Variants in MYH15 observed in about 807,000 individuals in gnomAD.
The protein encoded by MYH15 is myosin-15.
A neutral mutation model predicts 240.5 loss-of-function variants in MYH15; 227 were observed. That is an observed-to-expected ratio of 0.94 (90% CI 0.85 to 1.05). MYH15 has a LOEUF of 1.05. Among genes scored for constraint, MYH15 ranks in the 50% least tolerant of loss-of-function variants. The pLI is 0.00. For missense variants in MYH15, 2,217 were observed against 2,247.5 expected (o/e 0.99, Z 0.27); for synonymous variants, 785 against 796.7 (o/e 0.99, Z 0.25).
In MYH15 at chr3:108,454,038, C is replaced by A. The variant is rs757333706; in HGVS notation, c.2367G>T (p.Met789Ile). The A allele has an allele frequency of 1.9e-6, 3 of 1,611,910 alleles. No individual in the cohort carries two copies. The South Asian group carries it at 3.3e-5, about 18-fold the overall frequency. The change falls in exon 21 of 41, where the codon ATG (methionine) becomes ATT (isoleucine). Residue 789 changes from methionine (M) to isoleucine (I), a missense_variant. Physicochemically the swap from Met to Ile is conservative, Grantham distance 10. Transcript: ENST00000693548. ...LFQARAQGKL[M>I]RIKFQKILEE... Reference sequence around the variant, plus strand: ...CCAGAATCTTCTGGAATTTGATTCGCATCAGTTTGCCCTGTGCTCTGGCTT... The same window carrying A: ...CCAGAATCTTCTGGAATTTGATTCGAATCAGTTTGCCCTGTGCTCTGGCTT...
rs2107232820 is a variant in MYH15, at chr3:108,498,053, T to G, written c.617A>C (p.Gln206Pro). The G allele has an allele frequency of 6.2e-7, 1 of 1,613,790 alleles. No individual in the cohort carries two copies. The highest frequency in any genetic ancestry group is 8.5e-7 in the Non-Finnish European group (1 of 1,179,662). The change falls in exon 6 of 41, where the codon CAG becomes CCG. Residue 206 changes from glutamine (Q) to proline (P), a missense_variant and splice_region_variant. By Grantham distance (76) the Gln-to-Pro change is moderately conservative. Transcript: ENST00000693548. ...CTACCAAGCTATATAAACACTTACC[T>G]GCTTTTTCCTGGATTCAATCATGGC... is the stretch of plus-strand genomic sequence containing the variant. The part of the protein sequence containing the change: ...IAAMIESRKK[Q>P]GALEDQIMQA...
chr3:108,539,749 GATA>G, the MYH15 span, among the ~76,000 whole-genome samples: 610 of 152,142 alleles, frequency 4.0e-3, 1 homozygote, highest in Non-Finnish European at 6.8e-3. Flanking sequence ...TTAGAGTAGA[GATA>G]ATATTATCTG....
intron 25 of MYH15, among the ~76,000 whole-genome samples, chr3:108,435,091 G>C (rs1428877021): frequency 2.0e-5 from 3 of 151,922 alleles, no homozygotes; most frequent in Non-Finnish European, 4.4e-5. Context: ...ATTTTCCTTG[G>C]ATTCTTGACA....
chr3:108,506,804 G>A (rs376570782), intron 1 of MYH15, among the ~76,000 whole-genome samples: 13 of 152,146 alleles, frequency 8.5e-5, no homozygotes, highest in African/African-American at 1.2e-4. Flanking sequence ...AGGCTGAGGC[G>A]GGCAGATCAC....
At chr3:108,516,791 T>G (rs2083576133) in intron 1 of MYH15, among the ~76,000 whole-genome samples, 1 of 152,220 alleles carries the variant, frequency 6.6e-6, no homozygotes, top group African/African-American at 2.4e-5. Context: ...CAAAGAGGAA[T>G]GTTAAACGGT....
At chr3:108,464,528 T>C in intron 15 of MYH15, 110 bp downstream of exon 15, 9 of 1,130,666 alleles carry the variant, frequency 8.0e-6, no homozygotes, top group Non-Finnish European at 1.1e-5. Flanking sequence ...TATTTTGTTC[T>C]TCTCTTCATT....
chr3:108,518,440 TC>T (rs1204927948), intron 1 of MYH15, among the ~76,000 whole-genome samples: 1 of 152,198 alleles, frequency 6.6e-6, no homozygotes, highest in African/African-American at 2.4e-5. Context: ...CTGTATTCTC[TC>T]AGTCTCCCGA....
the MYH15 span, among the ~76,000 whole-genome samples, chr3:108,534,775 C>T: frequency 2.0e-5 from 3 of 150,910 alleles, no homozygotes; most frequent in Non-Finnish European, 4.4e-5. Flanking sequence ...CAGCTACTTG[C>T]AAGGCTGAGG....
At chr3:108,502,465 T>C (rs2083445460) in intron 2 of MYH15, among the ~76,000 whole-genome samples, 1 of 152,218 alleles carries the variant, frequency 6.6e-6, no homozygotes. Flanking sequence ...TGATGTTGTC[T>C]TCTTTAATGA....
intron 24 of MYH15, 66 bp from the exon 25 acceptor site, chr3:108,437,765 A>G (rs2107566443): frequency 2.0e-6 from 3 of 1,463,484 alleles, no homozygotes; most frequent in African/African-American, 1.6e-5. Flanking sequence ...AGATGTGTTC[A>G]TTAACCACTT....
intron 38 of MYH15, among the ~76,000 whole-genome samples, chr3:108,385,102 A>C (rs1171721765): frequency 6.6e-6 from 1 of 152,192 alleles, no homozygotes; most frequent in Admixed American, 6.5e-5. Context: ...TAAAATTAGT[A>C]GTGAATTATC....
Position 108,428,813 on chromosome 3 carries a change from C to T in MYH15, c.3381G>A (p.Glu1127=), listed in dbSNP as rs778420730. The T allele has an allele frequency of 1.2e-6, 2 of 1,613,964 alleles. No homozygotes were observed. The highest frequency in any genetic ancestry group is 1.3e-5 in the African/African-American group (1 of 74,894). ...ERTTRAKMER[E]RADLTQDLAD... Reference sequence around the variant, plus strand: ...CCAGGTCTTGGGTGAGGTCAGCTCTCTCCCTTTCCATCTTGGCTCGAGTGG... The same window carrying T: ...CCAGGTCTTGGGTGAGGTCAGCTCTTTCCCTTTCCATCTTGGCTCGAGTGG... The change falls in exon 27 of 41, where the codon GAG becomes GAA. Residue 1127 remains glutamate, a synonymous_variant. Coordinates refer to ENST00000693548, the MANE Select transcript of MYH15 (RefSeq NM_014981.3).
chr3:108,399,913 T>C (rs558500770), intron 33 of MYH15, among the ~76,000 whole-genome samples: 4 of 152,180 alleles, frequency 2.6e-5, no homozygotes, highest in Non-Finnish European at 5.9e-5. Context: ...TAAAAACGTA[T>C]TTGCAAAGTG....
chr3:108,411,802 A>T (rs1002935081), intron 30 of MYH15, among the ~76,000 whole-genome samples: 3 of 152,206 alleles, frequency 2.0e-5, no homozygotes, highest in African/African-American at 7.2e-5. Flanking sequence ...TCCGGAATTA[A>T]TAGGACTGCA....
chr3:108,491,803 G>T (rs1221291732), intron 9 of MYH15, among the ~76,000 whole-genome samples: 7 of 151,930 alleles, frequency 4.6e-5, no homozygotes. Flanking sequence ...AATCAACCTG[G>T]TCTCTCTGTT....
At chr3:108,530,311 C>G (rs2083703191), upstream of MYH15, among the ~76,000 whole-genome samples, 1 of 152,166 alleles carries the variant, frequency 6.6e-6, no homozygotes, top group Non-Finnish European at 1.5e-5. Context: ...TTCACAATGT[C>G]TGGCATCTAA....
intron 2 of MYH15, among the ~76,000 whole-genome samples, chr3:108,504,168 C>T (rs2083457411): frequency 6.6e-6 from 1 of 152,166 alleles, no homozygotes; most frequent in Non-Finnish European, 1.5e-5. Flanking sequence ...GGGGGAGTGA[C>T]TGCTAATGGG....
intron 9 of MYH15, among the ~76,000 whole-genome samples, chr3:108,488,304 A>G (rs2083321250): frequency 6.6e-6 from 1 of 152,046 alleles, no homozygotes; most frequent in South Asian, 2.1e-4. Flanking sequence ...AAAAATAACA[A>G]GATTTTCTTT....
upstream of MYH15, among the ~76,000 whole-genome samples, chr3:108,514,660 C>G (rs563640735): frequency 3.3e-5 from 5 of 151,890 alleles, no homozygotes; most frequent in South Asian, 6.3e-4. Context: ...GGTCATATGG[C>G]AAAGTTCAGA....
Sources: allele counts gnomAD v4.1 joint callset (sites outside exome capture counted in the v4.1 genomes callset), GRCh38; gene constraint gnomAD v4.1.1; transcripts MANE v1.5; gene names NCBI Gene and HGNC (gene_info 2026-07-23, HGNC 2026-07-21).